Variants in A2ML1 observed in about 807,000 individuals in gnomAD.
A2ML1 encodes the protein alpha-2-macroglobulin-like protein 1.
In A2ML1, 161 loss-of-function variants were observed where a neutral mutation model predicts 181.9. The observed-to-expected ratio is 0.89, with a 90% CI of 0.78 to 1.01. The LOEUF (loss-of-function observed/expected upper bound fraction) is 1.01. A2ML1 is among the 50% of genes least tolerant of loss of function. A2ML1 has a pLI of 0.00. For synonymous variants in A2ML1, 663 were observed against 666.8 expected (o/e 0.99, Z 0.09); for missense variants, 1,670 against 1,768.1 (o/e 0.94, Z 1.00).
rs146329218 is a variant in A2ML1, at chr12:8,831,324, C to G, written c.462+1545C>G. ...GAAGTGCTGGGTTCAAAGCGTGGCC[C>G]GCAGCAGCACTATTTTAGACTCACT... On this transcript the variant is annotated intron_variant, in intron 4 of 35. Transcript: ENST00000299698. Among the ~76,000 whole-genome samples, 364 of 152,226 alleles carry G rather than the reference C, an allele frequency of 2.4e-3. 2 individuals carry two copies. The highest frequency in any genetic ancestry group is 8.2e-3 in the African/African-American group (340 of 41,544).
At chr12:8,877,277 A>C (rs1944821663), downstream of A2ML1, among the ~76,000 whole-genome samples, 3 of 152,242 alleles carry the variant, frequency 2.0e-5, no homozygotes, top group Admixed American at 2.0e-4. Context: ...CCTTGATTGC[A>C]AATTCTGACT....
chr12:8,863,753 T>C, intron 28 of A2ML1, 41 bp from the exon 29 acceptor site: 1 of 1,598,772 alleles, frequency 6.3e-7, no homozygotes, highest in African/African-American at 1.3e-5. Context: ...GGAAAGCCAG[T>C]TCCTTCTAAG....
At chr12:8,866,838 G>GT (rs199612727) in intron 29 of A2ML1, among the ~76,000 whole-genome samples, 269 of 151,388 alleles carry the variant, frequency 1.8e-3, no homozygotes, top group African/African-American at 5.8e-3. Flanking sequence ...AAGAAATCGG[G>GT]TTTTTTTTTG....
intron 11 of A2ML1, among the ~76,000 whole-genome samples, chr12:8,842,512 C>T (rs2136811101): frequency 6.6e-6 from 1 of 152,326 alleles, no homozygotes; most frequent in Non-Finnish European, 1.5e-5. Context: ...AGCCACCGCG[C>T]CCGGCCCCTG....
chr12:8,859,821 C>A (rs1454592164), intron 26 of A2ML1, among the ~76,000 whole-genome samples: 3 of 152,046 alleles, frequency 2.0e-5, no homozygotes, highest in Non-Finnish European at 4.4e-5. Context: ...CCGCCTTGAC[C>A]TCCCAAAGTG....
chr12:8,835,454 G>T (rs1337722304), intron 5 of A2ML1, 53 bp from the exon 6 acceptor site: 1 of 1,605,692 alleles, frequency 6.2e-7, no homozygotes, highest in Admixed American at 1.7e-5. Flanking sequence ...TTTTTGCAAT[G>T]CAGAGTGGGA....
intron 10 of A2ML1, among the ~76,000 whole-genome samples, chr12:8,841,022 G>GGAAGGAAGGACT (rs1943461442): frequency 6.7e-5 from 2 of 29,682 alleles, no homozygotes; most frequent in Non-Finnish European, 2.3e-4. Context: ...ACGGAAGGAA[G>GGAAGGAAGGACT]GAAGGAAGGA....
chr12:8,838,588 G>A (rs1462249683), intron 9 of A2ML1, 138 bp downstream of exon 9: 6 of 589,074 alleles, frequency 1.0e-5, no homozygotes, highest in Non-Finnish European at 5.8e-6. Flanking sequence ...ATAGTCAAGG[G>A]GAAATACCAG....
intron 3 of A2ML1, among the ~76,000 whole-genome samples, chr12:8,829,251 C>T: frequency 6.6e-6 from 1 of 152,134 alleles, no homozygotes; most frequent in African/African-American, 2.4e-5. Context: ...CTCCTGAGCT[C>T]CAGGCCTGTG....
At chr12:8,857,125 T>A in intron 23 of A2ML1, 39 bp from the exon 24 acceptor site, 1 of 1,591,328 alleles carries the variant, frequency 6.3e-7, no homozygotes, top group Non-Finnish European at 8.6e-7. Context: ...TCCCTTCTTC[T>A]CTGTACCCCT....
intron 13 of A2ML1, among the ~76,000 whole-genome samples, chr12:8,845,805 A>G (rs1283098435): frequency 6.6e-5 from 10 of 150,648 alleles, no homozygotes; most frequent in Non-Finnish European, 1.0e-4. Context: ...AGCCGAGATC[A>G]TGCCACTGCG....
At chr12:8,878,744 G>C (rs966880798), downstream of A2ML1, among the ~76,000 whole-genome samples, 1 of 152,082 alleles carries the variant, frequency 6.6e-6, no homozygotes, top group East Asian at 1.9e-4. This position sits in a 1 kb window ranked among gnomAD's most constrained non-coding sequence, Gnocchi z 4.4. Context: ...TGGGTGGATC[G>C]CTTGAGCTCT....
chr12:8,854,954 G>T (rs750834244), intron 22 of A2ML1, 123 bp downstream of exon 22: 4 of 1,050,930 alleles, frequency 3.8e-6, no homozygotes, highest in East Asian at 5.1e-5. Context: ...GATTGCAGTG[G>T]CACGATTTCA....
chr12:8,884,231 G>GTTTTTTTTTTTTTTTTTTT (rs796251871), intron 7 of A2ML1, among the ~76,000 whole-genome samples: 3 of 121,562 alleles, frequency 2.5e-5, no homozygotes, highest in Non-Finnish European at 3.5e-5. Flanking sequence ...TTTATTTTTT[G>GTTTTTTTTTTTTTTTTTTT]TTTTTTTTTG....
intron 29 of A2ML1, 21 bp downstream of exon 29, chr12:8,864,029 C>T (rs761469711): frequency 2.5e-6 from 4 of 1,598,864 alleles, no homozygotes; most frequent in Admixed American, 3.3e-5. Context: ...TGTTCTCCCA[C>T]TGCCACTTAT....
intron 1 of A2ML1, 24 bp from the exon 2 acceptor site, chr12:8,823,158 G>A: frequency 1.2e-6 from 2 of 1,607,710 alleles, no homozygotes; most frequent in Non-Finnish European, 1.7e-6. Context: ...TTATTGCCCT[G>A]AAATCCTTCT....
At position 8,823,247 on chromosome 12, in the gene A2ML1, T is replaced by C. The variant is rs774360683; in HGVS notation, c.128T>C (p.Leu43Pro). The C allele has an allele frequency of 9.3e-6, 15 of 1,614,194 alleles. No individual in the cohort carries two copies. Among genetic ancestry groups the C allele is most frequent in the Non-Finnish European group, 1.2e-5 (14 of 1,180,016 alleles). Residue 43 changes from leucine to proline, a missense_variant, in exon 2 of 36, where the codon CTG (leucine) becomes CCG (proline). Leu to Pro is a moderately conservative substitution (Grantham distance 98). Transcript: ENST00000299698. Reference sequence around the variant, plus strand: ...TCCGTTCAGAAGGTTTGTTTGGACCTGAGCCCTGGGTACAGTGATGTTAAA... The same window carrying C: ...TCCGTTCAGAAGGTTTGTTTGGACCCGAGCCCTGGGTACAGTGATGTTAAA... ...FPSVQKVCLD[L>P]SPGYSDVKFT...
chr12:8,867,778 G>C, intron 29 of A2ML1, 64 bp from the exon 30 acceptor site: 1 of 1,427,704 alleles, frequency 7.0e-7, no homozygotes, highest in Admixed American at 1.7e-5. Flanking sequence ...GGGTTATAGA[G>C]TTGTTCAAGG....
chr12:8,839,810 C>T (rs1301319799), intron 10 of A2ML1, among the ~76,000 whole-genome samples: 9 of 151,848 alleles, frequency 5.9e-5, no homozygotes, highest in African/African-American at 1.9e-4. Flanking sequence ...TGCAATGGCG[C>T]GATCTCTGTT....
Sources: gnomAD v4.1 joint callset for allele counts (sites outside exome capture counted in the v4.1 genomes callset) on GRCh38, gnomAD v4.1.1 for gene constraint, Gnocchi (gnomAD v3.1) non-coding constraint, MANE v1.5 for transcripts, NCBI Gene and HGNC (gene_info 2026-07-23, HGNC 2026-07-21) for gene names.